MED12: variants seen among roughly 807,000 people sequenced by gnomAD.
The protein encoded by MED12 is mediator of RNA polymerase II transcription subunit 12.
In MED12, 10 loss-of-function variants were observed where a neutral mutation model predicts 177.7. The ratio of observed to expected loss-of-function variants is 0.06; its 90% CI spans 0.03 to 0.10. The LOEUF is 0.10. MED12 is among the 10% of genes least tolerant of loss of function. The probability of loss-of-function intolerance (pLI) is 1.00; values close to 1 mark genes in which losing one functional copy is unlikely to be tolerated. For missense variants in MED12, 867 were observed against 1,780.8 expected (o/e 0.49, Z 9.23); for synonymous variants, 641 against 678.4 (o/e 0.94, Z 0.86).
At chrX:71,120,574 A>G (rs2092286675) in intron 4 of MED12, among the ~76,000 whole-genome samples, 1 of 108,815 alleles carries the variant, frequency 9.2e-6, no homozygotes, top group South Asian at 3.9e-4. Flanking sequence ...ATTTACAAAT[A>G]TGGTGATTAG....
chrX:71,136,461 G>A lies in MED12; in HGVS notation c.5206G>A (p.Ala1736Thr), dbSNP rs1042718707. Residue 1736 changes from alanine to threonine, a missense_variant, in exon 37 of 45, where the codon GCC (alanine) becomes ACC (threonine). Around this residue, in one of 14 missense-constraint regions of MED12, gnomAD observed 36 missense variants for 141.5 expected, o/e 0.25. Coordinates refer to ENST00000374080, the MANE Select transcript of MED12 (RefSeq NM_005120.3). ...YHTHLRPRPRAYYLEPLPLPP... is the reference protein window; with the variant it reads ...YHTHLRPRPRTYYLEPLPLPP... ...CACACACCTGAGGCCCCGGCCCCGC[G>A]CCTATTACCTGGAGCCACTGCCACT... 2.2e-5 allele frequency: 27 copies of A among 1,207,198 alleles called. No individual in the cohort carries two copies. Among genetic ancestry groups the A allele is most frequent in the Non-Finnish European group, 2.9e-5 (26 of 894,430 alleles).
intron 19 of MED12, among the ~76,000 whole-genome samples, chrX:71,126,744 T>C (rs1387456904): frequency 5.4e-5 from 6 of 112,088 alleles, no homozygotes; most frequent in African/African-American, 1.9e-4. Flanking sequence ...AACTGTATCC[T>C]GGACACTGGT....
chrX:71,123,856 T>G (rs1285856515), intron 12 of MED12, 136 bp downstream of exon 12: 3 of 677,154 alleles, frequency 4.4e-6, no homozygotes, highest in Non-Finnish European at 6.8e-6. Context: ...TTAGATGTAG[T>G]TCTAGTGATC....
chrX:71,120,261 C>T, intron 4 of MED12, 91 bp downstream of exon 4: 1 of 980,922 alleles, frequency 1.0e-6, no homozygotes, highest in Non-Finnish European at 1.4e-6. Flanking sequence ...AATCTAGATT[C>T]CTTGTTTCTG....
At position 71,127,902 on chromosome X, in the gene MED12, C is replaced by T. The variant is rs751044891; in HGVS notation, c.2991C>T (p.Cys997=). The T allele has an allele frequency of 8.3e-7, 1 of 1,209,556 alleles. No homozygotes were observed. Among genetic ancestry groups the T allele is most frequent in the Non-Finnish European group, 1.1e-6 (1 of 893,634 alleles). Residue 997 remains cysteine (C), a synonymous_variant, in exon 22 of 45, where the codon TGC becomes TGT. Coordinates refer to ENST00000374080, the MANE Select transcript of MED12 (RefSeq NM_005120.3). ...TCCTCCATCCCTGCAGCGACTTTTG[C>T]TCAAAGGTGAAGAACACCATCTACT... is the stretch of plus-strand genomic sequence containing the variant. ...NKFGELFSDF[C]SKVKNTIYCN...
In MED12 at chrX:71,137,892, A is replaced by G. The variant is rs1324299187; in HGVS notation, c.5993A>G (p.Tyr1998Cys). 3.3e-6 allele frequency: 4 copies of G among 1,211,503 alleles called. No homozygotes were observed. Among genetic ancestry groups the G allele is most frequent in the African/African-American group, 1.7e-5 (1 of 57,731 alleles). Residue 1998 changes from tyrosine (Y) to cysteine (C), a missense_variant, in exon 41 of 45, where the codon TAT becomes TGT. Transcript: ENST00000374080. ...CACCTGCAACAGCGGCCCAGTGGCT[A>G]TGTGCACCAGCAGGCCCCCACCTAT... ...TRHLQQRPSG[Y>C]VHQQAPTYGH...
intron 43 of MED12, 144 bp downstream of exon 43, chrX:71,141,514 C>G (rs1242889499): frequency 4.9e-6 from 4 of 820,213 alleles, no homozygotes; most frequent in Non-Finnish European, 7.0e-6. Context: ...GGAGGCCAGG[C>G]GCAGTGGCTC....
chrX:71,126,304 C>G (rs1312843238), intron 18 of MED12, 37 bp from the exon 19 acceptor site: 2 of 1,209,909 alleles, frequency 1.7e-6, no homozygotes, highest in Non-Finnish European at 2.2e-6. Flanking sequence ...GTTCTTTCCT[C>G]TCTCCACTCC....
chrX:71,121,768 G>T lies in MED12; in HGVS notation c.1053G>T (p.Met351Ile), dbSNP rs2147780368. 3.3e-6 allele frequency: 4 copies of T among 1,211,790 alleles called. No individual in the cohort carries two copies. Among genetic ancestry groups the T allele is most frequent in the Non-Finnish European group, 4.5e-6 (4 of 895,492 alleles). ...TPSTPFSDLL[M>I]CPQHRPLVFG... ...CGACTCCCTTTAGTGACCTGCTTAT[G>T]TGCCCTCAGCACCGGCCCCTGGTTT... The change falls in exon 7 of 45, where the codon ATG (methionine) becomes ATT (isoleucine). Residue 351 changes from methionine to isoleucine, a missense_variant. By Grantham distance (10) the Met-to-Ile change is conservative (BLOSUM62 1). Transcript: ENST00000374080.
At chrX:71,118,943 G>C in intron 1 of MED12, 90 bp downstream of exon 1, 1 of 832,719 alleles carries the variant, frequency 1.2e-6, no homozygotes, top group South Asian at 2.3e-5. Flanking sequence ...GGGGCGGGGC[G>C]GTTCGGTGAG....
rs1452192424 is a variant in MED12, at chrX:71,141,252, A to G, written c.6290A>G (p.Gln2097Arg). The G allele has an allele frequency of 8.6e-7, 1 of 1,162,723 alleles. No homozygotes were observed. The highest frequency in any genetic ancestry group is 1.2e-6 in the Non-Finnish European group (1 of 868,941). ...ILRQQQQQQQ[Q>R]QQQQQQQQQQ... ...TAGCAGCAGCAGCAACAGCAACAGCAGCAGCAGCAGCAGCAGCAACAGCAA... is the reference window on the plus strand; with the variant it reads ...TAGCAGCAGCAGCAACAGCAACAGCGGCAGCAGCAGCAGCAGCAACAGCAA... Residue 2097 changes from glutamine to arginine, a missense_variant, in exon 43 of 45, where the codon CAG becomes CGG. Transcript: ENST00000374080.
intron 41 of MED12, among the ~76,000 whole-genome samples, chrX:71,139,471 C>G (rs775232430): frequency 9.0e-6 from 1 of 110,855 alleles, no homozygotes; most frequent in African/African-American, 3.3e-5. Flanking sequence ...GAGAGATGGC[C>G]TTGAATGCTC....
intron 34 of MED12, 43 bp from the exon 35 acceptor site, chrX:71,134,670 C>T (rs2092327722): frequency 3.3e-6 from 4 of 1,207,196 alleles, no homozygotes; most frequent in Non-Finnish European, 4.5e-6. Context: ...TTTCTATCTT[C>T]ACCTCTTTCT....
At chrX:71,129,940 A>G in intron 27 of MED12, 85 bp downstream of exon 27, 1 of 1,175,381 alleles carries the variant, frequency 8.5e-7, no homozygotes, top group South Asian at 1.8e-5. Flanking sequence ...CCAGCTCCCT[A>G]CTATACATTG....
chrX:71,129,102 T>C lies in MED12; in HGVS notation c.3476-12T>C. 5 of 1,187,844 alleles carry C rather than the reference T, an allele frequency of 4.2e-6. No homozygotes were observed. Among genetic ancestry groups the C allele is most frequent in the Non-Finnish European group, 4.6e-6 (4 of 873,820 alleles). On this transcript the variant is annotated splice_polypyrimidine_tract_variant and intron_variant, in intron 24 of 44. Coordinates refer to ENST00000374080, the MANE Select transcript of MED12 (RefSeq NM_005120.3). ...CTTCATCCCTTCCAGATCTGTTTTGTCTTCCTTTTAGCTTGTAGTGAACAG... is the reference window on the plus strand; with the variant it reads ...CTTCATCCCTTCCAGATCTGTTTTGCCTTCCTTTTAGCTTGTAGTGAACAG...
At chrX:71,141,001 G>C (rs1406672174) in intron 42 of MED12, 144 bp downstream of exon 42, 1 of 1,116,491 alleles carries the variant, frequency 9.0e-7, no homozygotes, top group African/African-American at 1.8e-5. Flanking sequence ...TGCTGGAGAA[G>C]TTTTCTACCC....
chrX:71,136,731 G>C, intron 37 of MED12, 76 bp downstream of exon 37: 1 of 1,187,587 alleles, frequency 8.4e-7, no homozygotes, highest in East Asian at 3.0e-5. Context: ...TGTGGGAGGG[G>C]TGGGGGCGCA....
intron 22 of MED12, 36 bp downstream of exon 22, chrX:71,128,156 C>A (rs374984562): frequency 8.4e-7 from 1 of 1,191,446 alleles, no homozygotes; most frequent in Non-Finnish European, 1.1e-6. Context: ...GGCACCATGC[C>A]CCCATCTGAG....
At chrX:71,126,551 T>C in intron 19 of MED12, 67 bp downstream of exon 19, 1 of 1,154,174 alleles carries the variant, frequency 8.7e-7, no homozygotes, top group Admixed American at 2.2e-5. Context: ...CGGAGGGTCA[T>C]AAGGACAGGC....
Sources: gnomAD v4.1 joint callset for allele counts (sites outside exome capture counted in the v4.1 genomes callset) on GRCh38, gnomAD v4.1.1 for gene constraint, gnomAD v4.1.1 regional missense constraint, MANE v1.5 for transcripts, NCBI Gene and HGNC (gene_info 2026-07-23, HGNC 2026-07-21) for gene names.